Variants in ADAM15 observed in about 807,000 individuals in gnomAD.
ADAM15 encodes the protein ADAM metallopeptidase domain 15.
In ADAM15, 77 loss-of-function variants were observed where a neutral mutation model predicts 113.8. The observed-to-expected ratio is 0.68, with a 90% CI of 0.56 to 0.82. The LOEUF (loss-of-function observed/expected upper bound fraction) is 0.82, where lower values mean the gene tolerates loss of function less well. Ranked by LOEUF, ADAM15 falls within the 40% of genes least tolerant of loss-of-function variation. ADAM15 has a pLI of 0.00. For missense variants in ADAM15, 963 were observed against 1,120.1 expected (o/e 0.86, Z 2.00); for synonymous variants, 388 against 454.1 (o/e 0.85, Z 1.85).
Position 155,061,492 on chromosome 1 carries a change from A to G in ADAM15, c.2352+3A>G. On this transcript the variant is annotated splice_donor_region_variant and intron_variant, in intron 20 of 22. Transcript: ENST00000356955. ...ACCCTGTGTCCAAGAGACTCCAGGTAAATCTGGGCCAGGGCCCGCCCTGAG... is the reference window on the plus strand; with the variant it reads ...ACCCTGTGTCCAAGAGACTCCAGGTGAATCTGGGCCAGGGCCCGCCCTGAG... 6.2e-7 allele frequency: 1 copy of G among 1,613,120 alleles called. No individual in the cohort carries two copies. The highest frequency in any genetic ancestry group is 1.1e-5 in the South Asian group (1 of 91,002).
At position 155,056,429 on chromosome 1, in the gene ADAM15, A is replaced by G. The variant is rs1287311665; in HGVS notation, c.958A>G (p.Asn320Asp). 1 of 1,614,118 alleles carries G rather than the reference A, an allele frequency of 6.2e-7. No homozygotes were observed. Among genetic ancestry groups the G allele is most frequent in the Admixed American group, 1.7e-5 (1 of 60,026 alleles). The change falls in exon 10 of 23, where the codon AAC (asparagine) becomes GAC (aspartate). Residue 320 changes from asparagine (N) to aspartate (D), a missense_variant. Physicochemically the swap from Asn to Asp is conservative, Grantham distance 23. Coordinates refer to ENST00000356955, the MANE Select transcript of ADAM15 (RefSeq NM_207197.3). This position sits in a 1 kb window ranked among gnomAD's most constrained non-coding sequence, Gnocchi z 4.0. Reference sequence around the variant, plus strand: ...GCCTACGGTGGGCATGGCCATTCAGAACTCCATCTGTTCTCCTGACTTCTC... The same window carrying G: ...GCCTACGGTGGGCATGGCCATTCAGGACTCCATCTGTTCTCCTGACTTCTC... ...SGPTVGMAIQNSICSPDFSGG... is the reference protein window; with the variant it reads ...SGPTVGMAIQDSICSPDFSGG...
At chr1:155,054,558 CCA>C in intron 6 of ADAM15, 52 bp downstream of exon 6, 1 of 1,506,258 alleles carries the variant, frequency 6.6e-7, no homozygotes, top group Non-Finnish European at 8.9e-7. Flanking sequence ...GGGCTGATCC[CCA>C]GACACTTAGA....
chr1:155,055,885 C>T, intron 7 of ADAM15, 33 bp downstream of exon 7: 1 of 1,614,190 alleles, frequency 6.2e-7, no homozygotes, highest in Non-Finnish European at 8.5e-7. Context: ...ATCCTCCTCC[C>T]CCTGCACTGC....
At chr1:155,051,724 G>A in intron 1 of ADAM15, 1 of 380,934 alleles carries the variant, frequency 2.6e-6, no homozygotes, top group Non-Finnish European at 4.7e-6. Flanking sequence ...TTCAGGCTCA[G>A]GTACCAGGTA....
chr1:155,060,698 G>A (rs1477620896), intron 18 of ADAM15, 65 bp from the exon 19 acceptor site: 4 of 1,533,306 alleles, frequency 2.6e-6, no homozygotes, highest in Non-Finnish European at 3.6e-6. Context: ...ACTCAGGGAT[G>A]GCATATGGTA....
Position 155,052,675 on chromosome 1 carries a change from C to A in ADAM15, c.84C>A (p.Gly28=), listed in dbSNP as rs1486010267. ...LPSWPLPNIG[G]TEEQQAESEK... is the part of the protein sequence containing the mutation. ...GGGGTGTCCTGGGACCTGCAGGTGG[C>A]ACTGAGGAGCAGCAGGCAGAGTCAG... Residue 28 remains glycine, a synonymous_variant, in exon 2 of 23, where the codon GGC becomes GGA. Coordinates refer to ENST00000356955, the MANE Select transcript of ADAM15 (RefSeq NM_207197.3). 1 of 1,604,932 alleles carries A rather than the reference C, an allele frequency of 6.2e-7. No individual in the cohort carries two copies. Among genetic ancestry groups the A allele is most frequent in the East Asian group, 2.2e-5 (1 of 44,652 alleles).
rs1661651102 is a variant in ADAM15 at position 155,055,634 on chromosome 1, C to T, written c.613-156C>T. 4.0e-6 allele frequency: 3 copies of T among 747,920 alleles called. No individual in the cohort carries two copies. In the South Asian group the frequency reaches 5.0e-5, roughly 12 times the overall value. 46.3% of individuals were successfully genotyped at this position (747,920 alleles called of 1,614,324 possible). On this transcript the variant is annotated intron_variant, in intron 6 of 22. Transcript: ENST00000356955. The stretch of plus-strand genomic sequence containing the variant: ...ACTTCCTGGTCCTCCTTGGCAAGTT[C>T]CTGGGCCCTCTGGCCTTCAGTGGCT...
chr1:155,058,024 G>C lies in ADAM15; in HGVS notation c.1590G>C (p.Gln530His). Residue 530 changes from glutamine (Q) to histidine (H), a missense_variant, in exon 14 of 23, where the codon CAG becomes CAC. Physicochemically the swap from Gln to His is conservative, Grantham distance 24. Coordinates refer to ENST00000356955, the MANE Select transcript of ADAM15 (RefSeq NM_207197.3). This position sits in a 1 kb window ranked among gnomAD's most constrained non-coding sequence, Gnocchi z 4.3. The part of the protein sequence containing the change: ...MHGRCASYAQ[Q>H]CQSLWGPGAQ... ...GGCGTTGTGCCTCCTATGCCCAGCA[G>C]TGCCAGTCACTTTGGGGACCTGGAG... The C allele has an allele frequency of 6.2e-7, 1 of 1,614,070 alleles. No homozygotes were observed. The highest frequency in any genetic ancestry group is 8.5e-7 in the Non-Finnish European group (1 of 1,180,050).
Position 155,058,761 on chromosome 1 carries a change from T to A in ADAM15, c.1969T>A (p.Cys657Ser). The A allele has an allele frequency of 2.5e-6, 4 of 1,605,484 alleles. No homozygotes were observed. The highest frequency in any genetic ancestry group is 1.1e-5 in the South Asian group (1 of 90,654). The change falls in exon 16 of 23, where the codon TGT becomes AGT. Residue 657 changes from cysteine (C) to serine (S), a missense_variant. Coordinates refer to ENST00000356955, the MANE Select transcript of ADAM15 (RefSeq NM_207197.3). This position sits in a 1 kb window ranked among gnomAD's most constrained non-coding sequence, Gnocchi z 4.3. ...QRVDLLGAQE[C>S]RSKCHGHGVC... ...TGTGGATCTCCTGGGGGCACAGGAA[T>A]GTCGAAGCAAATGCCATGGACATGG...
rs1282235967 is a variant in ADAM15 at position 155,056,151 on chromosome 1, G to C, written c.816G>C (p.Glu272Asp). 1 of 1,613,876 alleles carries C rather than the reference G, an allele frequency of 6.2e-7. No homozygotes were observed. The highest frequency in any genetic ancestry group is 1.3e-5 in the African/African-American group (1 of 74,906). The change falls in exon 9 of 23, where the codon GAG becomes GAC. Residue 272 changes from glutamate (E) to aspartate (D), a missense_variant. Physicochemically the swap from Glu to Asp is conservative, Grantham distance 45. Transcript: ENST00000356955. This position sits in a 1 kb window ranked among gnomAD's most constrained non-coding sequence, Gnocchi z 4.0. ...LEAWTQRDLV[E>D]ISPNPAVTLE... Reference sequence around the variant, plus strand: ...CCTGGACCCAGCGTGACCTGGTGGAGATCAGCCCAAACCCAGCTGTCACCC... The same window carrying C: ...CCTGGACCCAGCGTGACCTGGTGGACATCAGCCCAAACCCAGCTGTCACCC...
intron 3 of ADAM15, 111 bp downstream of exon 3, chr1:155,053,604 A>G: frequency 2.8e-6 from 3 of 1,068,564 alleles, no homozygotes; most frequent in South Asian, 1.3e-5. Flanking sequence ...TAACAGCCCT[A>G]TAAGGGATAT....
rs987099392 is a variant in ADAM15 at position 155,052,666 on chromosome 1, T to C, written c.80-5T>C. On this transcript the variant is annotated splice_region_variant and splice_polypyrimidine_tract_variant and intron_variant, in intron 1 of 22. Transcript: ENST00000356955. ...TACTGTCTTGGGGTGTCCTGGGACC[T>C]GCAGGTGGCACTGAGGAGCAGCAGG... is the stretch of plus-strand genomic sequence containing the variant. 1.9e-6 allele frequency: 3 copies of C among 1,600,628 alleles called. No homozygotes were observed. The highest frequency in any genetic ancestry group is 2.2e-5 in the East Asian group (1 of 44,522).
chr1:155,059,988 G>A lies in ADAM15; in HGVS notation c.2068+14G>A, dbSNP rs1160795736. ...CTCAGCTCAAAGGTAGCATGGGGGT[G>A]GGGGACAGGGGCAGCTGGGAGGGCA... On this transcript the variant is annotated intron_variant, in intron 17 of 22. Coordinates refer to ENST00000356955, the MANE Select transcript of ADAM15 (RefSeq NM_207197.3). 7.4e-6 allele frequency: 12 copies of A among 1,613,700 alleles called. No individual in the cohort carries two copies. Among genetic ancestry groups the A allele is most frequent in the East Asian group, 2.2e-5 (1 of 44,876 alleles).
intron 19 of ADAM15, 130 bp downstream of exon 19, chr1:155,060,962 T>A: frequency 9.8e-6 from 9 of 913,832 alleles, no homozygotes; most frequent in Non-Finnish European, 1.5e-5. Flanking sequence ...GTCGAAGGAG[T>A]CAGGGCCAGC....
At chr1:155,053,391 G>C (rs748336149) in intron 2 of ADAM15, 26 bp from the exon 3 acceptor site, 1 of 1,610,982 alleles carries the variant, frequency 6.2e-7, no homozygotes. Context: ...GGTCTAGGGA[G>C]GTGACCTGCC....
chr1:155,058,385 A>G lies in ADAM15; in HGVS notation c.1861A>G (p.Ser621Gly). The part of the protein sequence containing the change: ...NCSWVHLDLG[S>G]DVAQPLLTLP... ...CAGCTGGGTGCACCTGGACCTGGGC[A>G]GTGATGTGGCCCAGCCCCTCCTGAC... The change falls in exon 15 of 23, where the codon AGT (serine) becomes GGT (glycine). Residue 621 changes from serine (S) to glycine (G), a missense_variant. Ser to Gly is a moderately conservative substitution (Grantham distance 56). Transcript: ENST00000356955. The surrounding 1 kb of genome is among the most constrained non-coding windows in gnomAD (Gnocchi z 4.3). 3.1e-6 allele frequency: 5 copies of G among 1,613,780 alleles called. No homozygotes were observed. The highest frequency in any genetic ancestry group is 4.2e-6 in the Non-Finnish European group (5 of 1,180,014).
At position 155,060,863 on chromosome 1, in the gene ADAM15, C is replaced by T. The variant is rs779058748; in HGVS notation, c.2277+31C>T. 3.8e-6 allele frequency: 6 copies of T among 1,594,390 alleles called. No homozygotes were observed. The South Asian group carries it at 5.5e-5, about 15-fold the overall frequency. On this transcript the variant is annotated intron_variant, in intron 19 of 22. Transcript: ENST00000356955. ...TCCTGGATGCCAGAGGAAGGGGACT[C>T]CACCTTGGCCGGGCATCCAGCTTGG...
rs1164340049 is a variant in ADAM15 at position 155,061,478 on chromosome 1, A to T, written c.2341A>T (p.Lys781Ter). 2 of 1,613,526 alleles carry T rather than the reference A, an allele frequency of 1.2e-6. No individual in the cohort carries two copies. Among genetic ancestry groups the T allele is most frequent in the Non-Finnish European group, 1.7e-6 (2 of 1,179,856 alleles). ...SRPLPPDPVS[K>*]RLQAELADRP... ...GCCGCTGCCGCCTGACCCTGTGTCC[A>T]AGAGACTCCAGGTAAATCTGGGCCA... is the stretch of plus-strand genomic sequence containing the variant. Residue 781 changes from lysine (K) to a stop codon, truncating the protein, a stop_gained, in exon 20 of 23, where the codon AAG becomes TAG. Coordinates refer to ENST00000356955, the MANE Select transcript of ADAM15 (RefSeq NM_207197.3). LOFTEE classifies it high-confidence loss of function.
Position 155,058,221 on chromosome 1 carries a change from T to G in ADAM15, c.1722-25T>G, listed in dbSNP as rs766969078. ...GCCTTGGCCCTGCTCCTACTAACTCTGTGTGCCCTTCCCCCTCCCCACAGA... is the reference window on the plus strand; with the variant it reads ...GCCTTGGCCCTGCTCCTACTAACTCGGTGTGCCCTTCCCCCTCCCCACAGA... On this transcript the variant is annotated intron_variant, in intron 14 of 22. Coordinates refer to ENST00000356955, the MANE Select transcript of ADAM15 (RefSeq NM_207197.3). The surrounding 1 kb of genome is among the most constrained non-coding windows in gnomAD (Gnocchi z 4.3). 1.9e-6 allele frequency: 3 copies of G among 1,613,890 alleles called. No homozygotes were observed. Among genetic ancestry groups the G allele is most frequent in the Non-Finnish European group, 2.5e-6 (3 of 1,179,920 alleles).
Sources: allele counts gnomAD v4.1 joint callset, GRCh38; gene constraint gnomAD v4.1.1; non-coding constraint Gnocchi (gnomAD v3.1); transcripts MANE v1.5; gene names NCBI Gene and HGNC (gene_info 2026-07-23, HGNC 2026-07-21).